Variants in ATP2C2 observed in about 807,000 individuals in gnomAD.
ATP2C2 encodes the protein ATPase secretory pathway Ca2+ transporting 2.
ATP2C2 carries 171 observed loss-of-function variants against 110.8 expected under a neutral mutation model. The ratio of observed to expected loss-of-function variants is 1.54; its 90% CI spans 1.36 to 1.75. ATP2C2 has a LOEUF of 1.75. ATP2C2 is among the 40% of genes most tolerant of loss of function. The pLI is 0.00. For missense variants in ATP2C2, 1,963 were observed against 1,235.0 expected, an observed-to-expected ratio of 1.59 and a Z score of -8.84; for synonymous variants, 804 against 508.4, an observed-to-expected ratio of 1.58 and a Z score of -7.82.
At chr16:84,422,916 C>T (rs1330026584) in intron 9 of ATP2C2, among the ~76,000 whole-genome samples, 1 of 152,068 alleles carries the variant, frequency 6.6e-6, no homozygotes, top group Non-Finnish European at 1.5e-5. Context: ...CTGTCTGCCT[C>T]AGCCTCCCAA....
chr16:84,397,687 A>G (rs912354167), intron 1 of ATP2C2, among the ~76,000 whole-genome samples: 1 of 144,180 alleles, frequency 6.9e-6, no homozygotes, highest in Non-Finnish European at 1.5e-5. Flanking sequence ...GCTTAAAAAT[A>G]GATGCATCAG....
intron 4 of ATP2C2, 120 bp from the exon 5 acceptor site, chr16:84,410,448 G>A (rs1906170943): frequency 2.5e-6 from 3 of 1,178,270 alleles, no homozygotes; most frequent in South Asian, 2.5e-5. Flanking sequence ...TCTGTACTGT[G>A]CACATGTTTT....
chr16:84,456,194 G>A (rs866632051), intron 21 of ATP2C2, among the ~76,000 whole-genome samples: 345 of 131,322 alleles, frequency 2.6e-3, no homozygotes, highest in African/African-American at 9.4e-3. Flanking sequence ...AATAGTTTCA[G>A]AAGGAATGGT....
chr16:84,406,562 TGA>T, intron 3 of ATP2C2: 5 of 984,298 alleles, frequency 5.1e-6, no homozygotes, highest in Non-Finnish European at 6.0e-6. Flanking sequence ...CCACTCTCCT[TGA>T]GGTCCCCTCC....
intron 11 of ATP2C2, among the ~76,000 whole-genome samples, chr16:84,428,494 A>C (rs1350821228): frequency 6.6e-6 from 1 of 152,218 alleles, no homozygotes; most frequent in African/African-American, 2.4e-5. Flanking sequence ...ATACTTTGTC[A>C]CTCAGTGTAT....
At chr16:84,404,318 C>G (rs1014941304) in intron 2 of ATP2C2, 1 of 153,836 alleles carries the variant, frequency 6.5e-6, no homozygotes, top group Non-Finnish European at 1.4e-5. Flanking sequence ...AAAACTGAAT[C>G]TGTCTCCATT....
At chr16:84,438,112 T>A (rs1908909107) in intron 11 of ATP2C2, among the ~76,000 whole-genome samples, 1 of 152,010 alleles carries the variant, frequency 6.6e-6, no homozygotes, top group South Asian at 2.1e-4. Flanking sequence ...CACATTTGGC[T>A]CATCCATTTG....
rs776921054 is a variant in ATP2C2 at position 84,459,267 on chromosome 16, C to G, written c.2217-3C>G. 4 of 1,614,200 alleles carry G rather than the reference C, an allele frequency of 2.5e-6. No individual in the cohort carries two copies. The highest frequency in any genetic ancestry group is 3.4e-6 in the Non-Finnish European group (4 of 1,180,014). On this transcript the variant is annotated splice_polypyrimidine_tract_variant and splice_region_variant and intron_variant, in intron 22 of 26. Coordinates refer to ENST00000262429, the MANE Select transcript of ATP2C2 (RefSeq NM_014861.4). ...CCGCTGACTGGCTGCGTGTGCCCCGCAGGAGCATCTCCGCCCTGAGTCTCA... is the reference window on the plus strand; with the variant it reads ...CCGCTGACTGGCTGCGTGTGCCCCGGAGGAGCATCTCCGCCCTGAGTCTCA...
At chr16:84,387,887 G>C (rs1904409286) in intron 1 of ATP2C2, among the ~76,000 whole-genome samples, 1 of 151,360 alleles carries the variant, frequency 6.6e-6, no homozygotes. Context: ...AGGAGTCCAA[G>C]GCCAGCCAGC....
At chr16:84,415,071 T>C (rs1906712256) in intron 6 of ATP2C2, among the ~76,000 whole-genome samples, 1 of 152,014 alleles carries the variant, frequency 6.6e-6, no homozygotes, top group African/African-American at 2.4e-5. Flanking sequence ...GTCCTGGGCT[T>C]CCTCCCAGCT....
chr16:84,422,904 ATCTG>A (rs746424579), intron 9 of ATP2C2, among the ~76,000 whole-genome samples: 3 of 152,032 alleles, frequency 2.0e-5, no homozygotes, highest in Non-Finnish European at 2.9e-5. Context: ...AGCTCAAGCA[ATCTG>A]TCTGCCTCAG....
At chr16:84,387,051 G>A (rs1285100449) in intron 1 of ATP2C2, among the ~76,000 whole-genome samples, 1 of 152,140 alleles carries the variant, frequency 6.6e-6, no homozygotes. Flanking sequence ...GGGGTTGGGG[G>A]TGCAGATCTG....
intron 23 of ATP2C2, 58 bp downstream of exon 23, chr16:84,459,444 C>T: frequency 6.2e-7 from 1 of 1,604,510 alleles, no homozygotes; most frequent in Non-Finnish European, 8.5e-7. Flanking sequence ...GGGCTTCCTC[C>T]AGGGGCTGCT....
intron 3 of ATP2C2, among the ~76,000 whole-genome samples, chr16:84,405,766 A>G (rs1367708429): frequency 7.2e-5 from 11 of 152,182 alleles, no homozygotes; most frequent in Non-Finnish European, 1.5e-5. Flanking sequence ...CTAAAAATAT[A>G]AAAATTAGCC....
intron 16 of ATP2C2, among the ~76,000 whole-genome samples, chr16:84,447,751 TAA>T (rs1491250358): frequency 2.1e-5 from 3 of 140,350 alleles, no homozygotes; most frequent in Non-Finnish European, 4.5e-5. Context: ...ATATAATATA[TAA>T]TATACATATA....
At chr16:84,438,773 C>T (rs140719214) in intron 11 of ATP2C2, among the ~76,000 whole-genome samples, 2,043 of 152,292 alleles carry the variant, frequency 0.013, 50 homozygotes, top group African/African-American at 0.047. Context: ...CTCACGAGGA[C>T]CCCTGGAACC....
In ATP2C2 at chr16:84,454,959, G is replaced by C. The variant is rs1186205546; in HGVS notation, c.2122G>C (p.Val708Leu). The part of the protein sequence containing the change: ...VSKEAANMIL[V>L]DDDFSAIMNA... ...CAAAGAGGCCGCCAACATGATCCTG[G>C]TGGATGATGACTTCTCAGCCATCAT... The change falls in exon 21 of 27, where the codon GTG becomes CTG. Residue 708 changes from valine to leucine, a missense_variant. Transcript: ENST00000262429. The C allele has an allele frequency of 6.2e-7, 1 of 1,613,772 alleles. No individual in the cohort carries two copies.
At chr16:84,447,762 TAAATAATATAATGTA>T (rs1426875706) in intron 16 of ATP2C2, among the ~76,000 whole-genome samples, 4 of 141,878 alleles carry the variant, frequency 2.8e-5, no homozygotes, top group Non-Finnish European at 4.5e-5. Context: ...AATATACATA[TAAATAATATAATGTA>T]ATATAATACA....
chr16:84,430,468 C>G (rs1908170504), intron 11 of ATP2C2, among the ~76,000 whole-genome samples: 2 of 152,010 alleles, frequency 1.3e-5, no homozygotes, highest in Admixed American at 1.3e-4. Context: ...TGGTGAAACC[C>G]CATCTGTACT....
Sources: allele counts gnomAD v4.1 joint callset (sites outside exome capture counted in the v4.1 genomes callset), GRCh38; gene constraint gnomAD v4.1.1; transcripts MANE v1.5; gene names NCBI Gene and HGNC (gene_info 2026-07-23, HGNC 2026-07-21).